The following ROR1 variants were observed in gnomAD, a reference collection of about 807,000 sequenced individuals.
ROR1 encodes the protein inactive tyrosine-protein kinase transmembrane receptor ROR1.
ROR1 carries 19 observed loss-of-function variants against 78.8 expected under a neutral mutation model. The observed-to-expected ratio is 0.24, with a 90% CI of 0.17 to 0.35. The LOEUF (loss-of-function observed/expected upper bound fraction) is 0.35, where lower values mean the gene tolerates loss of function less well. ROR1 is among the 10% of genes least tolerant of loss of function. The pLI is 1.00. For synonymous variants in ROR1, 386 were observed against 433.6 expected (o/e 0.89, Z 1.36); for missense variants, 917 against 1,177.8 (o/e 0.78, Z 3.24).
rs773947275 is a variant in ROR1 at position 64,140,232 on chromosome 1, G to A, written c.734G>A (p.Arg245His). Residue 245 changes from arginine (R) to histidine (H), a missense_variant, in exon 6 of 9, where the codon CGT (arginine) becomes CAT (histidine). Physicochemically the swap from Arg to His is conservative, Grantham distance 29. Transcript: ENST00000371079. The stretch of plus-strand genomic sequence containing the variant: ...GAAACTTCATCCGTCCCAAAGCCCC[G>A]TGACTTGTGTCGCGATGAATGTGAA... ...CDETSSVPKP[R>H]DLCRDECEIL... is the part of the protein sequence containing the mutation. 7 of 1,614,026 alleles carry A rather than the reference G, an allele frequency of 4.3e-6. No individual in the cohort carries two copies. The highest frequency in any genetic ancestry group is 2.5e-6 in the Non-Finnish European group (3 of 1,179,986).
intron 1 of ROR1, among the ~76,000 whole-genome samples, chr1:63,996,262 T>C (rs1316268735): frequency 6.6e-6 from 1 of 152,146 alleles, no homozygotes; most frequent in East Asian, 1.9e-4. Context: ...GATAAAATAC[T>C]GTGGGGTTTC....
chr1:63,794,857 T>C (rs1644750108), intron 1 of ROR1, among the ~76,000 whole-genome samples: 1 of 152,172 alleles, frequency 6.6e-6, no homozygotes. Context: ...CAGAACATTA[T>C]CCATTTTCTA....
chr1:63,867,317 A>T (rs904371025), intron 1 of ROR1, among the ~76,000 whole-genome samples: 1 of 152,180 alleles, frequency 6.6e-6, no homozygotes, highest in African/African-American at 2.4e-5. Context: ...ACGGAGGTTT[A>T]TTGGCCTTCC....
chr1:63,852,699 A>G (rs1001564636), intron 1 of ROR1, among the ~76,000 whole-genome samples: 3 of 152,250 alleles, frequency 2.0e-5, no homozygotes, highest in African/African-American at 7.2e-5. Context: ...AAAATGAAAC[A>G]GATCATTTTC....
At chr1:64,002,216 C>T (rs1306062626) in intron 1 of ROR1, among the ~76,000 whole-genome samples, 1 of 149,976 alleles carries the variant, frequency 6.7e-6, no homozygotes, top group Non-Finnish European at 1.5e-5. Flanking sequence ...TCGCTGCAAC[C>T]TCTGACTCCC....
intron 1 of ROR1, among the ~76,000 whole-genome samples, chr1:63,777,451 C>T (rs918203010): frequency 6.6e-5 from 10 of 152,134 alleles, no homozygotes; most frequent in African/African-American, 1.4e-4. Context: ...TAGGGGGAGC[C>T]GAACCAAGGT....
chr1:64,178,111 C>T lies in ROR1; in HGVS notation c.2070C>T (p.Leu690=), dbSNP rs41302752. ...TGTGGGAGATTTTCAGTTTTGGACT[C>T]CAGCCATATTATGGATTCAGTAACC... is the stretch of plus-strand genomic sequence containing the variant. The part of the protein sequence containing the change: ...VVLWEIFSFG[L]QPYYGFSNQE... Residue 690 remains leucine (L), a synonymous_variant, in exon 9 of 9, where the codon CTC becomes CTT. Coordinates refer to ENST00000371079, the MANE Select transcript of ROR1 (RefSeq NM_005012.4). The surrounding 1 kb of genome is among the most constrained non-coding windows in gnomAD (Gnocchi z 4.3). 6 of 1,614,040 alleles carry T rather than the reference C, an allele frequency of 3.7e-6. No individual in the cohort carries two copies. Among genetic ancestry groups the T allele is most frequent in the Non-Finnish European group, 5.1e-6 (6 of 1,180,016 alleles).
At chr1:64,009,985 A>G (rs1314799196) in intron 2 of ROR1, among the ~76,000 whole-genome samples, 3 of 152,138 alleles carry the variant, frequency 2.0e-5, no homozygotes, top group Non-Finnish European at 4.4e-5. Context: ...GTCTGGCTCA[A>G]TCTACCTTTC....
rs553418232 is a variant in ROR1, at chr1:63,854,772, C to G, written c.91+80264C>G. 8.5e-5 allele frequency among the ~76,000 whole-genome samples: 13 copies of G among 152,316 alleles called. 1 individual carries two copies. In the South Asian group the frequency reaches 2.7e-3, roughly 32 times the overall value. Reference sequence around the variant, plus strand: ...ATGAAAGAAGAAAAACTACAGTCGTCTCTTGGTATCTGTGGCACATTCGTT... The same window carrying G: ...ATGAAAGAAGAAAAACTACAGTCGTGTCTTGGTATCTGTGGCACATTCGTT... On this transcript the variant is annotated intron_variant, in intron 1 of 8. Transcript: ENST00000371079.
intron 1 of ROR1, among the ~76,000 whole-genome samples, chr1:63,895,855 T>C (rs542738621): frequency 3.3e-5 from 5 of 152,328 alleles, no homozygotes; most frequent in Admixed American, 2.6e-4. Context: ...GCCTTTTTTA[T>C]TTGATTTGAT....
At chr1:63,819,091 C>T (rs1644909348) in intron 1 of ROR1, among the ~76,000 whole-genome samples, 2 of 152,124 alleles carry the variant, frequency 1.3e-5, no homozygotes, top group Non-Finnish European at 2.9e-5. Flanking sequence ...CCTTGTCAGA[C>T]AGTTTCCAGG....
chr1:64,132,264 A>G (rs539623150), intron 4 of ROR1, among the ~76,000 whole-genome samples: 52 of 152,224 alleles, frequency 3.4e-4, no homozygotes, highest in African/African-American at 1.2e-3. Context: ...AATATAGTCT[A>G]TTGTATGTAT....
chr1:63,863,531 C>T (rs1645195258), intron 1 of ROR1, among the ~76,000 whole-genome samples: 1 of 152,072 alleles, frequency 6.6e-6, no homozygotes, highest in South Asian at 2.1e-4. Flanking sequence ...TAATTTGTCA[C>T]CATCTATGGG....
At chr1:63,810,985 A>C (rs1644856824) in intron 1 of ROR1, among the ~76,000 whole-genome samples, 1 of 152,226 alleles carries the variant, frequency 6.6e-6, no homozygotes, top group African/African-American at 2.4e-5. Context: ...GGTCTCCCCC[A>C]GGTTCTGCAA....
At chr1:64,028,968 T>C (rs756463887) in intron 2 of ROR1, 28 of 152,226 alleles carry the variant, frequency 1.8e-4, no homozygotes, top group Non-Finnish European at 2.9e-4. Context: ...TTTATTGTTC[T>C]GATTTTAGTA....
chr1:63,987,317 A>G (rs1646260510), intron 1 of ROR1, among the ~76,000 whole-genome samples: 1 of 152,186 alleles, frequency 6.6e-6, no homozygotes, highest in Admixed American at 6.5e-5. Flanking sequence ...TGCATGTGAA[A>G]TCTTCATGCC....
intron 5 of ROR1, 33 bp from the exon 6 acceptor site, chr1:64,140,076 C>T (rs1229048172): frequency 6.3e-7 from 1 of 1,595,986 alleles, no homozygotes; most frequent in Non-Finnish European, 8.6e-7. Flanking sequence ...AAACCCTGGC[C>T]TCTGGGAGTT....
intron 1 of ROR1, among the ~76,000 whole-genome samples, chr1:63,847,528 G>A (rs575079217): frequency 2.6e-5 from 4 of 152,182 alleles, no homozygotes; most frequent in Non-Finnish European, 5.9e-5. Flanking sequence ...CCTGCCAGAA[G>A]GATCTGAGGC....
chr1:63,892,240 A>G (rs75545967), intron 1 of ROR1, among the ~76,000 whole-genome samples: 1,877 of 152,268 alleles, frequency 0.012, 16 homozygotes, highest in Non-Finnish European at 0.02. Flanking sequence ...CGGTTATACT[A>G]TGGTGCAAAG....
Sources: gnomAD v4.1 joint callset for allele counts (sites outside exome capture counted in the v4.1 genomes callset) on GRCh38, gnomAD v4.1.1 for gene constraint, Gnocchi (gnomAD v3.1) non-coding constraint, MANE v1.5 for transcripts, NCBI Gene and HGNC (gene_info 2026-07-23, HGNC 2026-07-21) for gene names.